NCAPD2: variants seen among roughly 807,000 people sequenced by gnomAD.
NCAPD2 encodes condensin complex subunit 1.
In NCAPD2, 100 loss-of-function variants were observed where a neutral mutation model predicts 164.5. That is an observed-to-expected ratio of 0.61 (90% CI 0.52 to 0.72). NCAPD2 has a LOEUF of 0.72. Among genes scored for constraint, NCAPD2 ranks in the 30% least tolerant of loss-of-function variants. The pLI, the probability that NCAPD2 is intolerant of heterozygous loss-of-function variation, is 0.00. For missense variants in NCAPD2, 1,560 were observed against 1,749.2 expected (o/e 0.89, Z 1.93); for synonymous variants, 585 against 642.6 (o/e 0.91, Z 1.36).
intron 2 of NCAPD2, among the ~76,000 whole-genome samples, chr12:6,506,552 T>C (rs146118065): frequency 0.027 from 4,053 of 150,894 alleles, 155 homozygotes; most frequent in African/African-American, 0.089. Context: ...ATCGCACCAC[T>C]GCACTCCAGC....
chr12:6,521,269 G>A (rs764116888), intron 14 of NCAPD2, among the ~76,000 whole-genome samples, 159 bp downstream of exon 14: 7 of 152,222 alleles, frequency 4.6e-5, no homozygotes, highest in Non-Finnish European at 7.3e-5. Flanking sequence ...AGCAGCCCAC[G>A]GGCCTAAGAT....
intron 2 of NCAPD2, among the ~76,000 whole-genome samples, chr12:6,500,464 T>C (rs1375650015): frequency 6.6e-6 from 1 of 152,102 alleles, no homozygotes; most frequent in East Asian, 1.9e-4. Context: ...CAAATGCCAA[T>C]AGAGTTGGAG....
chr12:6,527,526 A>C (rs1330102552), intron 22 of NCAPD2, among the ~76,000 whole-genome samples: 1 of 152,208 alleles, frequency 6.6e-6, no homozygotes, highest in Non-Finnish European at 1.5e-5. Context: ...TCTGTTTACC[A>C]TATATAGGAA....
At chr12:6,527,323 A>G (rs934215395) in intron 22 of NCAPD2, among the ~76,000 whole-genome samples, 1 of 152,214 alleles carries the variant, frequency 6.6e-6, no homozygotes, top group African/African-American at 2.4e-5. Context: ...TGTCTGAGGC[A>G]GGGTTTGTTA....
intron 13 of NCAPD2, among the ~76,000 whole-genome samples, chr12:6,520,062 T>C (rs540882623): frequency 6.6e-6 from 1 of 151,770 alleles, no homozygotes; most frequent in African/African-American, 2.4e-5. Context: ...GTACCTGTAA[T>C]CCTAGCTATT....
chr12:6,510,979 A>G (rs920119257), intron 5 of NCAPD2, 131 bp from the exon 6 acceptor site: 2 of 1,273,762 alleles, frequency 1.6e-6, no homozygotes, highest in Non-Finnish European at 1.1e-6. Flanking sequence ...AGCGCTGTGG[A>G]ACTTGTAATA....
At position 6,526,199 on chromosome 12, in the gene NCAPD2, A is replaced by G. The variant is rs1044265729; in HGVS notation, c.2480A>G (p.Lys827Arg). 4.3e-6 allele frequency: 7 copies of G among 1,614,066 alleles called. No individual in the cohort carries two copies. In the African/African-American group the frequency reaches 9.3e-5, roughly 22 times the overall value. ...HAIANISDRR[K>R]PSLGKRHPPF... ...ATTGCCAACATCTCGGACAGGAGAA[A>G]GGTATGTGGGGGTGGTTCCAAACTA... Residue 827 changes from lysine to arginine, a missense_variant and splice_region_variant, in exon 19 of 32, where the codon AAG becomes AGG. Transcript: ENST00000315579.
intron 2 of NCAPD2, among the ~76,000 whole-genome samples, chr12:6,499,456 C>T (rs145833967): frequency 1.1e-4 from 16 of 152,178 alleles, no homozygotes; most frequent in South Asian, 4.1e-4. Context: ...GGCAAGGTAT[C>T]GGCTCACTGC....
At chr12:6,509,908 T>G (rs1033339371) in intron 3 of NCAPD2, 116 bp downstream of exon 3, 16 of 1,261,836 alleles carry the variant, frequency 1.3e-5, no homozygotes, top group Non-Finnish European at 1.7e-5. Flanking sequence ...CTCTGGATAT[T>G]GATATCTCTA....
chr12:6,528,917 C>T lies in NCAPD2; in HGVS notation c.3478-28C>T, dbSNP rs767990172. 1.9e-6 allele frequency: 3 copies of T among 1,614,000 alleles called. No homozygotes were observed. In the Admixed American group the frequency reaches 5.0e-5, roughly 27 times the overall value. On this transcript the variant is annotated intron_variant, in intron 26 of 31. Transcript: ENST00000315579. This position sits in a 1 kb window ranked among gnomAD's most constrained non-coding sequence, Gnocchi z 5.1. Reference sequence around the variant, plus strand: ...AGGGAATCTGTAGGTCACCTCATCTCCTTAACATGGCTCTCTCTGTCTTAC... The same window carrying T: ...AGGGAATCTGTAGGTCACCTCATCTTCTTAACATGGCTCTCTCTGTCTTAC...
In NCAPD2 at chr12:6,527,964, A is replaced by G; in HGVS notation, c.3020-4A>G. 1 of 1,614,252 alleles carries G rather than the reference A, an allele frequency of 6.2e-7. No individual in the cohort carries two copies. The highest frequency in any genetic ancestry group is 8.5e-7 in the Non-Finnish European group (1 of 1,180,040). Reference sequence around the variant, plus strand: ...TCCCAAACCTGCAGTTACTCTTCCAACAGGCAAACAGACACTGGCTGCCTT... The same window carrying G: ...TCCCAAACCTGCAGTTACTCTTCCAGCAGGCAAACAGACACTGGCTGCCTT... On this transcript the variant is annotated splice_region_variant and splice_polypyrimidine_tract_variant and intron_variant, in intron 23 of 31. Transcript: ENST00000315579.
At chr12:6,520,152 G>T (rs1302318285) in intron 13 of NCAPD2, among the ~76,000 whole-genome samples, 1 of 148,910 alleles carries the variant, frequency 6.7e-6, no homozygotes, top group Non-Finnish European at 1.5e-5. Flanking sequence ...CTACACTTCA[G>T]CCTGGGTGAC....
intron 1 of NCAPD2, 150 bp from the exon 2 acceptor site, chr12:6,494,926 G>A (rs571282675): frequency 1.4e-4 from 95 of 669,464 alleles, no homozygotes; most frequent in Middle Eastern, 8.8e-4. Flanking sequence ...ATATATGTTG[G>A]GGGTGGGGAA....
intron 2 of NCAPD2, among the ~76,000 whole-genome samples, chr12:6,500,953 G>A (rs546881858): frequency 6.8e-4 from 103 of 152,130 alleles, no homozygotes; most frequent in African/African-American, 2.3e-3. Flanking sequence ...GTGATAAAAC[G>A]ACTCAGGATA....
At position 6,503,861 on chromosome 12, in the gene NCAPD2, C is replaced by T. The variant is rs576734358; in HGVS notation, c.128-5856C>T. On this transcript the variant is annotated intron_variant, in intron 2 of 31. Transcript: ENST00000315579. ...AGGTGTGGTGGCAGGCACCTGTAAT[C>T]CCAGCTACTCGGGAGGCTGAGGCAC... is the stretch of plus-strand genomic sequence containing the variant. 2.0e-5 allele frequency among the ~76,000 whole-genome samples: 3 copies of T among 151,594 alleles called. No individual in the cohort carries two copies. The South Asian group carries it at 6.3e-4, about 32-fold the overall frequency.
intron 27 of NCAPD2, 128 bp from the exon 28 acceptor site, chr12:6,529,385 G>A (rs1946349715): frequency 1.2e-6 from 1 of 841,592 alleles, no homozygotes; most frequent in Non-Finnish European, 1.9e-6. Context: ...GGGGAGTGGT[G>A]AGGCAGACAG....
intron 18 of NCAPD2, 42 bp downstream of exon 18, chr12:6,525,758 G>A (rs762566648): frequency 6.2e-7 from 1 of 1,603,922 alleles, no homozygotes; most frequent in Non-Finnish European, 8.5e-7. Context: ...GGAGAGCAAA[G>A]GAAGGTTCTG....
chr12:6,514,337 G>A lies in NCAPD2; in HGVS notation c.660G>A (p.Arg220=). 2 of 1,614,104 alleles carry A rather than the reference G, an allele frequency of 1.2e-6. No homozygotes were observed. The highest frequency in any genetic ancestry group is 1.7e-6 in the Non-Finnish European group (2 of 1,180,026). ...ATCACCAGAAGAACCGCCCCACTCGGGAAGCCATAACACACCTGCTTGGTG... is the reference window on the plus strand; with the variant it reads ...ATCACCAGAAGAACCGCCCCACTCGAGAAGCCATAACACACCTGCTTGGTG... The part of the protein sequence containing the change: ...TINHQKNRPT[R]EAITHLLGVA... Residue 220 remains arginine, a synonymous_variant, in exon 7 of 32, where the codon CGG becomes CGA. Coordinates refer to ENST00000315579, the MANE Select transcript of NCAPD2 (RefSeq NM_014865.4).
chr12:6,507,889 A>C (rs551770507), intron 2 of NCAPD2, among the ~76,000 whole-genome samples: 1 of 152,284 alleles, frequency 6.6e-6, no homozygotes, highest in South Asian at 2.1e-4. Flanking sequence ...GCTATGAATT[A>C]AAGAATAGAG....
Sources: gnomAD v4.1 joint callset for allele counts (sites outside exome capture counted in the v4.1 genomes callset) on GRCh38, gnomAD v4.1.1 for gene constraint, Gnocchi (gnomAD v3.1) non-coding constraint, MANE v1.5 for transcripts, NCBI Gene and HGNC (gene_info 2026-07-23, HGNC 2026-07-21) for gene names.